The following PTPRD variants were observed in gnomAD, a reference collection of about 807,000 sequenced individuals.
The protein encoded by PTPRD is protein tyrosine phosphatase receptor type D.
A neutral mutation model predicts 214.5 loss-of-function variants in PTPRD; 34 were observed. The ratio of observed to expected loss-of-function variants is 0.16; its 90% CI spans 0.12 to 0.21. The LOEUF (loss-of-function observed/expected upper bound fraction) is 0.21, where lower values mean the gene tolerates loss of function less well. PTPRD is among the 10% of genes least tolerant of loss of function. PTPRD has a pLI of 1.00. For missense variants in PTPRD, 2,545 were observed against 2,398.7 expected, an observed-to-expected ratio of 1.06 and a Z score of -1.27; for synonymous variants, 1,128 against 845.7, an observed-to-expected ratio of 1.33 and a Z score of -5.79.
Position 8,485,997 on chromosome 9 carries a change from T to A in PTPRD, c.2820A>T (p.Gln940His), listed in dbSNP as rs749578078. Residue 940 changes from glutamine (Q) to histidine (H), a missense_variant, in exon 28 of 46, where the codon CAA becomes CAT. Gln to His is a conservative substitution (Grantham distance 24). Coordinates refer to ENST00000381196, the MANE Select transcript of PTPRD (RefSeq NM_002839.4). ...TTSTSVQLSW[Q>H]PPVLAERNGI... is the part of the protein sequence containing the mutation. ...CATTTCTCTCTGCCAGGACAGGTGG[T>A]TGCCAAGATAACTGGACGGAGGTTG... 1 of 1,614,182 alleles carries A rather than the reference T, an allele frequency of 6.2e-7. No individual in the cohort carries two copies. Among genetic ancestry groups the A allele is most frequent in the African/African-American group, 1.3e-5 (1 of 75,044 alleles).
chr9:8,774,548 TTTTG>T (rs556130915), intron 11 of PTPRD, among the ~76,000 whole-genome samples: 7,111 of 97,014 alleles, frequency 0.073, 344 homozygotes, highest in African/African-American at 0.17. Flanking sequence ...TTTTTTTTTT[TTTTG>T]AAACGGAGTT....
chr9:9,733,193 C>A (rs2154443703), intron 7 of PTPRD, among the ~76,000 whole-genome samples: 1 of 152,270 alleles, frequency 6.6e-6, no homozygotes, highest in African/African-American at 2.4e-5. Flanking sequence ...CTTCACGTAT[C>A]TTGCAGGACT....
intron 5 of PTPRD, among the ~76,000 whole-genome samples, chr9:9,932,002 C>A (rs1487191159): frequency 6.6e-5 from 10 of 152,026 alleles, no homozygotes; most frequent in Non-Finnish European, 1.3e-4. Flanking sequence ...TCCAACAGAC[C>A]TGCAGCTGAG....
intron 31 of PTPRD, among the ~76,000 whole-genome samples, chr9:8,467,115 AT>A (rs2096560232): frequency 6.6e-6 from 1 of 151,966 alleles, no homozygotes; most frequent in South Asian, 2.1e-4. Context: ...TTTCAATAAT[AT>A]TTAATTTATA....
At chr9:8,951,008 T>G (rs2099098743) in intron 11 of PTPRD, among the ~76,000 whole-genome samples, 1 of 152,118 alleles carries the variant, frequency 6.6e-6, no homozygotes, top group Non-Finnish European at 1.5e-5. Flanking sequence ...CTGGAAGAGT[T>G]CATTATTTAA....
At chr9:8,523,863 C>T (rs1015230657) in intron 18 of PTPRD, among the ~76,000 whole-genome samples, 1 of 152,052 alleles carries the variant, frequency 6.6e-6, no homozygotes, top group Non-Finnish European at 1.5e-5. Flanking sequence ...ATTTCCCCAC[C>T]CCAGACTCCA....
At chr9:9,776,014 T>C (rs1375825256) in intron 5 of PTPRD, among the ~76,000 whole-genome samples, 1 of 148,316 alleles carries the variant, frequency 6.7e-6, no homozygotes. Flanking sequence ...ACTAAAGTTC[T>C]TAAAGAGCTT....
intron 10 of PTPRD, among the ~76,000 whole-genome samples, chr9:9,079,072 TCTC>T (rs2099755284): frequency 6.6e-6 from 1 of 152,056 alleles, no homozygotes; most frequent in African/African-American, 2.4e-5. Flanking sequence ...TGTTCAGTAT[TCTC>T]CTTCTAGTTA....
intron 9 of PTPRD, among the ~76,000 whole-genome samples, chr9:9,307,029 G>A (rs1210054317): frequency 2.6e-5 from 4 of 152,124 alleles, no homozygotes; most frequent in African/African-American, 9.7e-5. Context: ...GTTAACATTT[G>A]TTCAGCAATT....
chr9:9,243,752 C>T (rs559158009), intron 9 of PTPRD, among the ~76,000 whole-genome samples: 1 of 152,156 alleles, frequency 6.6e-6, no homozygotes, highest in African/African-American at 2.4e-5. Flanking sequence ...CCCTCTCTCA[C>T]CACTCCTATT....
rs539309498 is a variant in PTPRD, at chr9:8,350,520, G to A, written c.4662-8542C>T. Among the ~76,000 whole-genome samples, 6 of 152,238 alleles carry A rather than the reference G, an allele frequency of 3.9e-5. No homozygotes were observed. The East Asian group carries it at 9.7e-4, about 24-fold the overall frequency. ...GACTCAGGTTTATAAGATTAATTAG[G>A]TGACTCTTTTAATAAAACTGTGATG... is the stretch of plus-strand genomic sequence containing the variant. On this transcript the variant is annotated intron_variant, in intron 39 of 45. Coordinates refer to ENST00000381196, the MANE Select transcript of PTPRD (RefSeq NM_002839.4).
chr9:10,269,182 A>G (rs2094278200), intron 3 of PTPRD, among the ~76,000 whole-genome samples: 1 of 152,078 alleles, frequency 6.6e-6, no homozygotes, highest in African/African-American at 2.4e-5. Flanking sequence ...CACTCCAGGA[A>G]AAAAAATGCA....
intron 4 of PTPRD, among the ~76,000 whole-genome samples, chr9:9,965,366 G>A (rs2094612619): frequency 6.6e-6 from 1 of 152,114 alleles, no homozygotes; most frequent in East Asian, 1.9e-4. Flanking sequence ...TTTCAAAACG[G>A]AGGAGACTGG....
intron 3 of PTPRD, among the ~76,000 whole-genome samples, chr9:10,095,137 TC>T (rs1380813007): frequency 1.3e-5 from 2 of 151,420 alleles, no homozygotes; most frequent in Middle Eastern, 3.4e-3. Context: ...CAAAAAAAAA[TC>T]CTGTATATAT....
rs567568451 is a variant in PTPRD at position 10,067,072 on chromosome 9, G to C, written c.-544-33282C>G. 9.2e-5 allele frequency among the ~76,000 whole-genome samples: 14 copies of C among 151,990 alleles called. No individual in the cohort carries two copies. In the South Asian group the frequency reaches 2.9e-3, roughly 32 times the overall value. On this transcript the variant is annotated intron_variant, in intron 3 of 45. Coordinates refer to ENST00000381196, the MANE Select transcript of PTPRD (RefSeq NM_002839.4). ...TGGCCGTGCTTATGAGGGTGATGTT[G>C]GTGGCACTATTCTCTCCAAGTAAGT...
intron 3 of PTPRD, among the ~76,000 whole-genome samples, chr9:10,285,849 T>A (rs1197717152): frequency 2.0e-5 from 3 of 151,974 alleles, no homozygotes; most frequent in Non-Finnish European, 4.4e-5. Context: ...GACCTCGCGA[T>A]CCGCCCGCCT....
chr9:8,586,261 A>G (rs548276827), intron 14 of PTPRD, among the ~76,000 whole-genome samples: 1 of 147,566 alleles, frequency 6.8e-6, no homozygotes, highest in Non-Finnish European at 1.5e-5. Context: ...GATTGCACCA[A>G]TGCACTCCAG....
At chr9:8,649,446 T>A (rs1203812830) in intron 12 of PTPRD, among the ~76,000 whole-genome samples, 4 of 152,236 alleles carry the variant, frequency 2.6e-5, no homozygotes, top group Non-Finnish European at 5.9e-5. Context: ...CTGGTTAAGT[T>A]GGCAAGATAC....
intron 9 of PTPRD, among the ~76,000 whole-genome samples, chr9:9,275,200 T>TA (rs1945081209): frequency 1.5e-3 from 7 of 4,826 alleles, no homozygotes; most frequent in South Asian, 4.5e-3. Flanking sequence ...ATATATATAT[T>TA]ATATATATAT....
Sources: gnomAD v4.1 joint callset for allele counts (sites outside exome capture counted in the v4.1 genomes callset) on GRCh38, gnomAD v4.1.1 for gene constraint, MANE v1.5 for transcripts, NCBI Gene and HGNC (gene_info 2026-07-23, HGNC 2026-07-21) for gene names.